SGCZ: variants seen among roughly 807,000 people sequenced by gnomAD.
SGCZ encodes zeta-sarcoglycan.
A neutral mutation model predicts 41.3 loss-of-function variants in SGCZ; 40 were observed. That is an observed-to-expected ratio of 0.97 (90% CI 0.75 to 1.26). SGCZ has a LOEUF of 1.26. Among genes scored for constraint, SGCZ ranks in the 50% most tolerant of loss-of-function variants. The pLI, the probability that SGCZ is intolerant of heterozygous loss-of-function variation, is 0.00. For synonymous variants in SGCZ, 206 were observed against 137.5 expected (o/e 1.50, Z -3.49); for missense variants, 552 against 369.8 (o/e 1.49, Z -4.04).
At chr8:15,053,583 C>A (rs1483987964) in intron 1 of SGCZ, among the ~76,000 whole-genome samples, 1 of 152,020 alleles carries the variant, frequency 6.6e-6, no homozygotes, top group Non-Finnish European at 1.5e-5. Context: ...AACGATATAT[C>A]CCATTCCGAG....
At chr8:14,969,811 C>T (rs1188496782) in intron 1 of SGCZ, among the ~76,000 whole-genome samples, 2 of 152,028 alleles carry the variant, frequency 1.3e-5, no homozygotes, top group African/African-American at 4.8e-5. Flanking sequence ...GTTGGCGCTA[C>T]TGCAAATAAA....
rs1252298775 is a variant in SGCZ at position 14,604,008 on chromosome 8, CAACAT to C, written c.40-49087_40-49083del. On this transcript the variant is annotated intron_variant, in intron 1 of 7. Transcript: ENST00000382080. ...ATAGCAAACTGCCCTAAAAGTAATT[CAACAT>C]CCTTAACAATTCATCCCAACTAAAG... Among the ~76,000 whole-genome samples the C allele has an allele frequency of 2.0e-5, 3 of 152,200 alleles. No homozygotes were observed. In the East Asian group the frequency reaches 5.8e-4, roughly 29 times the overall value.
At chr8:14,386,985 G>A (rs1585437172) in intron 2 of SGCZ, among the ~76,000 whole-genome samples, 2 of 152,280 alleles carry the variant, frequency 1.3e-5, no homozygotes, top group South Asian at 4.1e-4. Context: ...TTTGTTGAAA[G>A]ATTTGATGTT....
At chr8:14,769,604 C>A (rs1204942947) in intron 1 of SGCZ, among the ~76,000 whole-genome samples, 1 of 151,824 alleles carries the variant, frequency 6.6e-6, no homozygotes, top group Non-Finnish European at 1.5e-5. Flanking sequence ...CCAGCCTGGC[C>A]AGCATGGCGA....
chr8:15,100,969 A>T (rs1283201101), intron 1 of SGCZ, among the ~76,000 whole-genome samples: 1 of 151,684 alleles, frequency 6.6e-6, no homozygotes. Context: ...GAGTGAGACC[A>T]TGTCTCAAAA....
intron 4 of SGCZ, among the ~76,000 whole-genome samples, chr8:14,182,100 G>A (rs575400531): frequency 3.3e-4 from 51 of 152,270 alleles, no homozygotes; most frequent in South Asian, 8.3e-4. Flanking sequence ...CATAAGCCAT[G>A]GGTACACTTA....
intron 1 of SGCZ, among the ~76,000 whole-genome samples, chr8:15,086,512 T>C (rs1805955247): frequency 6.6e-6 from 1 of 152,186 alleles, no homozygotes; most frequent in African/African-American, 2.4e-5. Context: ...TTAATCCTTG[T>C]TCCATCTTCT....
intron 2 of SGCZ, among the ~76,000 whole-genome samples, chr8:14,548,094 A>G (rs1389301741): frequency 1.3e-5 from 2 of 152,116 alleles, no homozygotes; most frequent in Admixed American, 1.3e-4. Flanking sequence ...CACTTTTATT[A>G]TTTTAATTCT....
At position 15,194,590 on chromosome 8, in the gene SGCZ, G is replaced by A. The variant is rs775944423; in HGVS notation, c.39+42995C>T. The stretch of plus-strand genomic sequence containing the variant: ...GAATCACGAGGGTTCTAATAAAGGG[G>A]ATGCAAGAAGGTCAGAGTCAGAAAA... On this transcript the variant is annotated intron_variant, in intron 1 of 7. Transcript: ENST00000382080. Among the ~76,000 whole-genome samples, 15 of 152,122 alleles carry A rather than the reference G, an allele frequency of 9.9e-5. 1 individual carries two copies. The highest frequency in any genetic ancestry group is 5.9e-4 in the Admixed American group (9 of 15,254).
chr8:14,125,182 G>C (rs1371798862), intron 5 of SGCZ, among the ~76,000 whole-genome samples: 24 of 152,014 alleles, frequency 1.6e-4, no homozygotes, highest in Admixed American at 1.6e-3. Context: ...CTCATGCATA[G>C]TAAGAATCAC....
intron 2 of SGCZ, among the ~76,000 whole-genome samples, chr8:14,446,844 G>A (rs773291606): frequency 2.0e-4 from 31 of 151,974 alleles, no homozygotes; most frequent in Admixed American, 1.2e-3. Context: ...ATTTTTAAAA[G>A]CACAAAGAAA....
At chr8:14,565,305 T>C (rs1804325431) in intron 1 of SGCZ, among the ~76,000 whole-genome samples, 1 of 151,694 alleles carries the variant, frequency 6.6e-6, no homozygotes, top group South Asian at 2.1e-4. Flanking sequence ...TGGATGAAAA[T>C]GCAATGACTT....
rs35812159 is a variant in SGCZ at position 14,230,912 on chromosome 8, GT to G, written c.424+6679del. On this transcript the variant is annotated intron_variant, in intron 4 of 7. Transcript: ENST00000382080. ...ACTGGTTAAAAAGTAAAGGAATATA[GT>G]TTCCCTTAAACATACGTGGTTGTAC... is the stretch of plus-strand genomic sequence containing the variant. Among the ~76,000 whole-genome samples, 3 of 151,922 alleles carry G rather than the reference GT, an allele frequency of 2.0e-5. 1 individual carries two copies. In the South Asian group the frequency reaches 6.2e-4, roughly 32 times the overall value.
At chr8:14,834,637 G>A (rs887446590) in intron 1 of SGCZ, among the ~76,000 whole-genome samples, 7 of 152,262 alleles carry the variant, frequency 4.6e-5, no homozygotes, top group Non-Finnish European at 8.8e-5. Flanking sequence ...TTTTATGATC[G>A]CACTTTGGAG....
chr8:14,937,586 C>G (rs960900530), intron 1 of SGCZ, among the ~76,000 whole-genome samples: 2 of 151,996 alleles, frequency 1.3e-5, no homozygotes, highest in African/African-American at 4.8e-5. Flanking sequence ...CAAACTAACT[C>G]ATGAACATAT....
chr8:14,339,170 T>A (rs1328197898), intron 2 of SGCZ, among the ~76,000 whole-genome samples: 2 of 152,212 alleles, frequency 1.3e-5, no homozygotes, highest in East Asian at 3.8e-4. Context: ...ACTGCAAACT[T>A]TCTTCTACAG....
chr8:14,948,489 AGAG>A (rs1300652438), intron 1 of SGCZ, among the ~76,000 whole-genome samples: 2 of 151,932 alleles, frequency 1.3e-5, no homozygotes, highest in Non-Finnish European at 1.5e-5. Context: ...AGAGAGAGAG[AGAG>A]GTCTCCGCTA....
At chr8:14,279,260 A>G (rs550017766) in intron 3 of SGCZ, among the ~76,000 whole-genome samples, 1 of 152,038 alleles carries the variant, frequency 6.6e-6, no homozygotes, top group East Asian at 1.9e-4. Context: ...AATTCATAAA[A>G]CATAGCATTT....
At chr8:14,365,469 T>C (rs1299548459) in intron 2 of SGCZ, among the ~76,000 whole-genome samples, 2 of 152,152 alleles carry the variant, frequency 1.3e-5, no homozygotes, top group African/African-American at 4.8e-5. Flanking sequence ...TAACATATTG[T>C]GTACAGTTTT....
Sources: gnomAD v4.1 joint callset for allele counts (sites outside exome capture counted in the v4.1 genomes callset) on GRCh38, gnomAD v4.1.1 for gene constraint, MANE v1.5 for transcripts, NCBI Gene and HGNC (gene_info 2026-07-23, HGNC 2026-07-21) for gene names.